Variants in IFT74 observed in about 807,000 individuals in gnomAD.
IFT74 encodes intraflagellar transport 74.
A neutral mutation model predicts 96.7 loss-of-function variants in IFT74; 92 were observed. The observed-to-expected ratio is 0.95, with a 90% CI of 0.80 to 1.13. The LOEUF is 1.13. Ranked by LOEUF, IFT74 falls within the 50% of genes most tolerant of loss-of-function variation. IFT74 has a pLI of 0.00. For missense variants in IFT74, 811 were observed against 698.2 expected (o/e 1.16, Z -1.82); for synonymous variants, 223 against 213.2 (o/e 1.05, Z -0.40).
intron 13 of IFT74, among the ~76,000 whole-genome samples, chr9:27,044,392 G>C (rs371047493): frequency 2.6e-5 from 4 of 152,134 alleles, no homozygotes; most frequent in African/African-American, 9.7e-5. Context: ...AACTCTGTGA[G>C]TGAAGTTACT....
intron 1 of IFT74, among the ~76,000 whole-genome samples, chr9:26,949,424 C>T (rs1825865932): frequency 6.6e-6 from 1 of 152,132 alleles, no homozygotes; most frequent in Non-Finnish European, 1.5e-5. Context: ...ACAGACAAAC[C>T]TCTAACTAAG....
chr9:27,033,037 A>G (rs1328084389), intron 13 of IFT74, among the ~76,000 whole-genome samples: 1 of 152,120 alleles, frequency 6.6e-6, no homozygotes, highest in Non-Finnish European at 1.5e-5. Flanking sequence ...TCCTCATCCA[A>G]GTCTTCAGAG....
intron 8 of IFT74, among the ~76,000 whole-genome samples, chr9:27,005,359 C>G (rs1429261499): frequency 8.3e-5 from 4 of 48,028 alleles, no homozygotes; most frequent in Admixed American, 2.4e-4. Context: ...ATTTCCCCCC[C>G]CGCCCCCCGC....
At chr9:27,049,260 G>A (rs988617481) in intron 16 of IFT74, among the ~76,000 whole-genome samples, 1 of 152,136 alleles carries the variant, frequency 6.6e-6, no homozygotes, top group Non-Finnish European at 1.5e-5. Context: ...TTATAGCAAT[G>A]CAAATAGACT....
chr9:26,998,307 A>G (rs1651580134), intron 8 of IFT74: 1 of 995,928 alleles, frequency 1.0e-6, no homozygotes. Flanking sequence ...ACCAAATTTC[A>G]TATTTAAGCA....
In IFT74 at chr9:26,961,980, C is replaced by A; in HGVS notation, c.13C>A (p.His5Asn). Reference protein sequence around the residue: MASNHKSSAARPVSR... With the variant: MASNNKSSAARPVSR... ...AAGTGAAGAAACAATGGCCAGCAAT[C>A]ACAAATCTTCAGCAGCTCGCCCTGT... Residue 5 changes from histidine to asparagine, a missense_variant, in exon 2 of 20, where the codon CAC becomes AAC. His to Asn is a moderately conservative substitution (Grantham distance 68). Transcript: ENST00000380062. The A allele has an allele frequency of 6.2e-7, 1 of 1,614,142 alleles. No homozygotes were observed. The highest frequency in any genetic ancestry group is 1.3e-5 in the African/African-American group (1 of 75,028).
At chr9:26,990,601 A>G (rs1827821268) in intron 8 of IFT74, among the ~76,000 whole-genome samples, 1 of 152,196 alleles carries the variant, frequency 6.6e-6, no homozygotes, top group African/African-American at 2.4e-5. Flanking sequence ...TTGATATTTA[A>G]TAGTTATATT....
chr9:27,055,540 G>T, intron 16 of IFT74, 69 bp from the exon 17 acceptor site: 1 of 984,466 alleles, frequency 1.0e-6, no homozygotes, highest in Non-Finnish European at 1.5e-6. Context: ...TTTAATAGTT[G>T]CATTACATTT....
chr9:26,963,644 C>T (rs991260804), intron 2 of IFT74, among the ~76,000 whole-genome samples: 24 of 151,766 alleles, frequency 1.6e-4, no homozygotes, highest in South Asian at 8.4e-4. Flanking sequence ...TTTTAATGAT[C>T]GCCATTCTAA....
chr9:26,983,728 C>T (rs1169867581), intron 4 of IFT74: 1 of 151,370 alleles, frequency 6.6e-6, no homozygotes, highest in Non-Finnish European at 1.5e-5. Flanking sequence ...GTCAGTTTCT[C>T]CTCAGTTTCT....
In IFT74 at chr9:27,053,227, T is replaced by TTATA. The variant is rs201311509; in HGVS notation, c.1334-2380_1334-2379insTATA. On this transcript the variant is annotated intron_variant, in intron 16 of 19. Coordinates refer to ENST00000380062, the MANE Select transcript of IFT74 (RefSeq NM_025103.4). Reference sequence around the variant, plus strand: ...TTCTTGGGGGAAGGGTGAAGAAAACTTAGATATTATAATGGCCCTCCAGAG... The same window carrying TTATA: ...TTCTTGGGGGAAGGGTGAAGAAAACTTATATAGATATTATAATGGCCCTCCAGAG... Among the ~76,000 whole-genome samples the TTATA allele has an allele frequency of 7.1e-3, 1,035 of 145,776 alleles. 13 individuals are homozygous for TTATA. The highest frequency in any genetic ancestry group is 0.025 in the African/African-American group (972 of 38,912).
At chr9:26,978,597 A>G (rs1238955531) in intron 3 of IFT74, among the ~76,000 whole-genome samples, 2 of 152,206 alleles carry the variant, frequency 1.3e-5, no homozygotes. Context: ...CTGTAGTACA[A>G]CTTGAAGAAC....
At chr9:27,030,735 A>C (rs1271123571) in intron 13 of IFT74, among the ~76,000 whole-genome samples, 1 of 152,192 alleles carries the variant, frequency 6.6e-6, no homozygotes, top group South Asian at 2.1e-4. Flanking sequence ...CTTTCCAAAA[A>C]GCCTGAACCC....
intron 8 of IFT74, among the ~76,000 whole-genome samples, chr9:27,002,145 C>G (rs1041361198): frequency 4.6e-5 from 7 of 151,836 alleles, no homozygotes; most frequent in Non-Finnish European, 7.4e-5. Flanking sequence ...ATCTTTTTTT[C>G]TTTTGAGACA....
At chr9:27,018,619 A>G (rs1223565566) in intron 11 of IFT74, 28 bp from the exon 12 acceptor site, 1 of 1,347,642 alleles carries the variant, frequency 7.4e-7, no homozygotes, top group South Asian at 1.3e-5. Flanking sequence ...ATTTTTTTAA[A>G]TACTACTTTC....
intron 11 of IFT74, among the ~76,000 whole-genome samples, 170 bp from the exon 12 acceptor site, chr9:27,018,477 C>G (rs1313601530): frequency 6.6e-6 from 1 of 152,130 alleles, no homozygotes; most frequent in Non-Finnish European, 1.5e-5. Flanking sequence ...TGAATGGTTC[C>G]TTGGTGCTGT....
chr9:26,991,609 C>T (rs2131555654), intron 8 of IFT74, among the ~76,000 whole-genome samples: 1 of 152,014 alleles, frequency 6.6e-6, no homozygotes, highest in African/African-American at 2.4e-5. Context: ...AAATTTTGTT[C>T]ATGGTAACCA....
chr9:26,998,085 A>C lies in IFT74; in HGVS notation c.587+7890A>C, dbSNP rs754869654. On this transcript the variant is annotated intron_variant, in intron 8 of 19. Coordinates refer to ENST00000380062, the MANE Select transcript of IFT74 (RefSeq NM_025103.4). Reference sequence around the variant, plus strand: ...AAGATAGTAACCTTGTTCTCAATCAAATAGAGCTCTGTGAGTAAAAAGTAT... The same window carrying C: ...AAGATAGTAACCTTGTTCTCAATCACATAGAGCTCTGTGAGTAAAAAGTAT... The C allele has an allele frequency of 1.9e-6, 3 of 1,613,648 alleles. No homozygotes were observed. In the South Asian group the frequency reaches 3.3e-5, roughly 18 times the overall value.
intron 2 of IFT74, among the ~76,000 whole-genome samples, chr9:26,963,518 C>G (rs1826463262): frequency 6.6e-6 from 1 of 150,464 alleles, no homozygotes; most frequent in Non-Finnish European, 1.5e-5. Flanking sequence ...GTTCTAGATC[C>G]CTGAGGAATC....
Sources: gnomAD v4.1 joint callset for allele counts (sites outside exome capture counted in the v4.1 genomes callset) on GRCh38, gnomAD v4.1.1 for gene constraint, MANE v1.5 for transcripts, NCBI Gene and HGNC (gene_info 2026-07-23, HGNC 2026-07-21) for gene names.